Variants in SLIT3 observed in about 807,000 individuals in gnomAD.
SLIT3 encodes slit guidance ligand 3.
Under a neutral mutation model 184.0 loss-of-function variants are expected in SLIT3, and 68 were observed. That is an observed-to-expected ratio of 0.37 (90% CI 0.30 to 0.45). The LOEUF is 0.45. Ranked by LOEUF, SLIT3 falls within the 20% of genes least tolerant of loss-of-function variation. The pLI, the probability that SLIT3 is intolerant of heterozygous loss-of-function variation, is 1.00. For missense variants in SLIT3, 1,707 were observed against 2,026.0 expected (o/e 0.84, Z 3.02); for synonymous variants, 831 against 828.6 (o/e 1.00, Z -0.05).
intron 3 of SLIT3, among the ~76,000 whole-genome samples, chr5:169,233,333 T>G (rs367904812): frequency 1.3e-5 from 2 of 149,958 alleles, no homozygotes; most frequent in African/African-American, 2.5e-5. Context: ...GGCATTGGTA[T>G]TTTTTGGTGC....
chr5:169,231,027 G>A (rs1299827577), intron 3 of SLIT3, among the ~76,000 whole-genome samples: 2 of 151,906 alleles, frequency 1.3e-5, no homozygotes, highest in Non-Finnish European at 2.9e-5. Context: ...CTTGAATAAT[G>A]GCATTTCCTT....
chr5:169,300,757 A>G lies in SLIT3; in HGVS notation c.-48T>C. ...GAGGAGGCTGCCTCTGCGGGGCAAG[A>G]CGCGTGGAGCCCGAGGAGGCGCGCG... On this transcript the variant is annotated 5_prime_UTR_variant, in exon 1 of 36. Transcript: ENST00000519560. The surrounding 1 kb of genome is among the most constrained non-coding windows in gnomAD (Gnocchi z 4.1). 7.9e-7 allele frequency: 1 copy of G among 1,272,748 alleles called. No homozygotes were observed. Among genetic ancestry groups the G allele is most frequent in the Non-Finnish European group, 9.9e-7 (1 of 1,012,150 alleles). The allele number at this position is 1,272,748 out of a possible 1,614,324, so 78.8% of individuals were successfully genotyped here.
intron 4 of SLIT3, among the ~76,000 whole-genome samples, chr5:169,079,017 A>C (rs1533150): frequency 0.4 from 61,227 of 152,112 alleles, 13,586 homozygotes; most frequent in South Asian, 0.56. Context: ...AGATTGGAAA[A>C]AAAAATTGCT....
intron 4 of SLIT3, among the ~76,000 whole-genome samples, chr5:169,155,060 C>G (rs1010936722): frequency 6.6e-6 from 1 of 152,200 alleles, no homozygotes; most frequent in African/African-American, 2.4e-5. Context: ...GTTTGGCTTA[C>G]CAGCTTCACC....
At chr5:168,899,963 G>A (rs568935290) in intron 4 of SLIT3, among the ~76,000 whole-genome samples, 1 of 152,092 alleles carries the variant, frequency 6.6e-6, no homozygotes, top group African/African-American at 2.4e-5. Context: ...AGAGGCCCCG[G>A]GAAAAGAGAA....
chr5:168,670,091 G>A (rs1033096672), intron 34 of SLIT3, 100 bp from the exon 35 acceptor site: 3 of 937,116 alleles, frequency 3.2e-6, no homozygotes, highest in Non-Finnish European at 5.1e-6. Context: ...ACCCGGAGCT[G>A]AGTACAGTCC....
Position 169,056,483 on chromosome 5 carries a change from A to T in SLIT3, c.413+136996T>A, listed in dbSNP as rs1394197349. Among the ~76,000 whole-genome samples, 9 of 152,104 alleles carry T rather than the reference A, an allele frequency of 5.9e-5. No individual in the cohort carries two copies. In the East Asian group the frequency reaches 1.7e-3, roughly 29 times the overall value. ...TAACTGATTTGTCTTTTCAATGAAC[A>T]CTGTTGAGTGATTTTGACACCACAT... On this transcript the variant is annotated intron_variant, in intron 4 of 35. Transcript: ENST00000519560.
At chr5:168,924,872 G>C (rs368803947) in intron 4 of SLIT3, among the ~76,000 whole-genome samples, 1 of 152,108 alleles carries the variant, frequency 6.6e-6, no homozygotes, top group African/African-American at 2.4e-5. Flanking sequence ...AGAAACCAAC[G>C]AGCAGGTAAG....
At chr5:168,950,418 G>A (rs1186615814) in intron 4 of SLIT3, among the ~76,000 whole-genome samples, 3 of 152,204 alleles carry the variant, frequency 2.0e-5, no homozygotes, top group Non-Finnish European at 2.9e-5. Flanking sequence ...AGTCATATGT[G>A]CATGTTAATA....
At chr5:168,670,239 T>C (rs1761195220) in intron 34 of SLIT3, among the ~76,000 whole-genome samples, 1 of 152,230 alleles carries the variant, frequency 6.6e-6, no homozygotes, top group African/African-American at 2.4e-5. Flanking sequence ...GGCTTGCTGA[T>C]TTACACACAC....
intron 4 of SLIT3, among the ~76,000 whole-genome samples, chr5:169,116,784 G>A (rs191057780): frequency 1.3e-5 from 2 of 152,302 alleles, no homozygotes; most frequent in East Asian, 3.9e-4. Flanking sequence ...ACCAGTGCTG[G>A]GGAAAAGTCC....
chr5:168,962,343 C>T (rs376489372), intron 4 of SLIT3, among the ~76,000 whole-genome samples: 1 of 141,448 alleles, frequency 7.1e-6, no homozygotes, highest in East Asian at 2.2e-4. Context: ...CACATACACA[C>T]ACACACAGTG....
intron 1 of SLIT3, among the ~76,000 whole-genome samples, chr5:169,251,894 T>C (rs1765786903): frequency 6.6e-6 from 1 of 152,166 alleles, no homozygotes. Context: ...TAACTGTTTA[T>C]CTACTGGGAT....
chr5:168,873,285 A>C (rs1401612099), intron 5 of SLIT3, among the ~76,000 whole-genome samples: 1 of 152,106 alleles, frequency 6.6e-6, no homozygotes, highest in South Asian at 2.1e-4. Context: ...TACCTAGAGG[A>C]TAAGCAACTT....
At chr5:169,063,398 T>C (rs1336366747) in intron 4 of SLIT3, among the ~76,000 whole-genome samples, 1 of 152,244 alleles carries the variant, frequency 6.6e-6, no homozygotes, top group East Asian at 1.9e-4. Context: ...TTCTCTTAAA[T>C]GTCTCTACCC....
intron 1 of SLIT3, among the ~76,000 whole-genome samples, chr5:169,292,725 G>A (rs768758191): frequency 3.3e-5 from 5 of 152,186 alleles, no homozygotes; most frequent in Non-Finnish European, 7.4e-5. Context: ...TGAGGAAATC[G>A]AAATAGAAAA....
At chr5:169,001,265 G>GTCTGCCTTA (rs1274772708) in intron 4 of SLIT3, among the ~76,000 whole-genome samples, 1 of 152,092 alleles carries the variant, frequency 6.6e-6, no homozygotes, top group African/African-American at 2.4e-5. Flanking sequence ...AACCTGTCTT[G>GTCTGCCTTA]TCTGCCTTAT....
At chr5:168,799,506 T>C (rs537485834) in intron 9 of SLIT3, among the ~76,000 whole-genome samples, 44 of 152,366 alleles carry the variant, frequency 2.9e-4, no homozygotes, top group African/African-American at 1.1e-3. Flanking sequence ...CTGTATTGAT[T>C]TGCCCTAGTT....
At chr5:168,777,910 G>A (rs995246488) in intron 12 of SLIT3, among the ~76,000 whole-genome samples, 7 of 152,168 alleles carry the variant, frequency 4.6e-5, no homozygotes, top group Non-Finnish European at 7.3e-5. Context: ...TTAGCTATCT[G>A]GTACATGGAC....
Sources: gnomAD v4.1 joint callset for allele counts (sites outside exome capture counted in the v4.1 genomes callset) on GRCh38, gnomAD v4.1.1 for gene constraint, Gnocchi (gnomAD v3.1) non-coding constraint, MANE v1.5 for transcripts, NCBI Gene and HGNC (gene_info 2026-07-23, HGNC 2026-07-21) for gene names.